The following WDR7 variants were observed in gnomAD, a reference collection of about 807,000 sequenced individuals.
WDR7 encodes WD repeat domain 7, also known as WD repeat-containing protein 7.
Under a neutral mutation model 169.4 loss-of-function variants are expected in WDR7, and 46 were observed. The ratio of observed to expected loss-of-function variants is 0.27; its 90% CI spans 0.21 to 0.35. The LOEUF (loss-of-function observed/expected upper bound fraction) is 0.35, where lower values mean the gene tolerates loss of function less well. WDR7 is among the 10% of genes least tolerant of loss of function. The pLI is 1.00. For synonymous variants in WDR7, 612 were observed against 666.8 expected (o/e 0.92, Z 1.27); for missense variants, 1,534 against 1,859.3 (o/e 0.83, Z 3.22).
chr18:56,750,935 A>G (rs2043781213), intron 14 of WDR7, among the ~76,000 whole-genome samples: 1 of 152,188 alleles, frequency 6.6e-6, no homozygotes, highest in Non-Finnish European at 1.5e-5. Flanking sequence ...AGGTATTACA[A>G]GTTATGCAGG....
Position 56,940,105 on chromosome 18 carries a change from G to A in WDR7, c.4064+712G>A, listed in dbSNP as rs527394483. Among the ~76,000 whole-genome samples the A allele has an allele frequency of 8.6e-5, 13 of 152,038 alleles. No individual in the cohort carries two copies. The South Asian group carries it at 1.0e-3, about 12-fold the overall frequency. On this transcript the variant is annotated intron_variant, in intron 25 of 27. Coordinates refer to ENST00000254442, the MANE Select transcript of WDR7 (RefSeq NM_015285.3). ...GTTAAAAAAGGTTTAATCTCCATGC[G>A]GTCGTTAGAAATAGTATTTAAATCT... is the stretch of plus-strand genomic sequence containing the variant.
At chr18:56,812,367 C>G (rs2044884662) in intron 19 of WDR7, among the ~76,000 whole-genome samples, 1 of 152,122 alleles carries the variant, frequency 6.6e-6, no homozygotes, top group Non-Finnish European at 1.5e-5. Flanking sequence ...TCGATAATTC[C>G]TCTGTATTTC....
chr18:56,854,608 C>A (rs1014014963), intron 20 of WDR7, among the ~76,000 whole-genome samples: 1 of 152,178 alleles, frequency 6.6e-6, no homozygotes, highest in African/African-American at 2.4e-5. Flanking sequence ...TGCTAATGGA[C>A]TTTGTGGAGG....
chr18:56,728,932 A>G (rs151202451), intron 13 of WDR7, among the ~76,000 whole-genome samples: 117 of 152,048 alleles, frequency 7.7e-4, no homozygotes, highest in African/African-American at 1.8e-3. Flanking sequence ...GCTTTTCACC[A>G]CCATGCCCCT....
rs2044318732 is a variant in WDR7, at chr18:56,781,591, G to T, written c.3125G>T (p.Gly1042Val). ...LAELRRIEQA[G>V]RKEAIDAWAP... is the part of the protein sequence containing the mutation. ...GAACTGAGAAGAATTGAGCAGGCAG[G>T]CAGGAAGGAAGCCATTGATGCCTGG... Residue 1042 changes from glycine (G) to valine (V), a missense_variant, in exon 19 of 28, where the codon GGC becomes GTC. Gly to Val is a moderately radical substitution (Grantham distance 109, BLOSUM62 -3). Transcript: ENST00000254442. 1 of 1,612,768 alleles carries T rather than the reference G, an allele frequency of 6.2e-7. No homozygotes were observed.
At chr18:56,836,168 T>C (rs977979933) in intron 20 of WDR7, among the ~76,000 whole-genome samples, 2 of 152,232 alleles carry the variant, frequency 1.3e-5, no homozygotes, top group Admixed American at 6.5e-5. Context: ...TATTTTCTTA[T>C]TCTCTTCCAA....
intron 26 of WDR7, among the ~76,000 whole-genome samples, chr18:56,995,066 A>G (rs2047878885): frequency 6.6e-6 from 1 of 152,214 alleles, no homozygotes; most frequent in East Asian, 1.9e-4. Flanking sequence ...TGAGAGAAAA[A>G]AAACTTCCTT....
intron 19 of WDR7, among the ~76,000 whole-genome samples, chr18:56,782,324 T>C (rs2044329328): frequency 1.3e-5 from 2 of 152,166 alleles, no homozygotes; most frequent in African/African-American, 2.4e-5. Context: ...TTTGTATTTT[T>C]GTTTGGTTTG....
intron 21 of WDR7, among the ~76,000 whole-genome samples, chr18:56,914,006 C>T (rs2046588865): frequency 6.6e-6 from 1 of 152,250 alleles, no homozygotes; most frequent in African/African-American, 2.4e-5. Flanking sequence ...TCCACATAAC[C>T]TTCCACAAGT....
rs529349283 is a variant in WDR7 at position 56,931,462 on chromosome 18, T to C, written c.3714-4326T>C. Among the ~76,000 whole-genome samples, 4 of 152,338 alleles carry C rather than the reference T, an allele frequency of 2.6e-5. No homozygotes were observed. In the East Asian group the frequency reaches 5.8e-4, roughly 22 times the overall value. On this transcript the variant is annotated intron_variant, in intron 22 of 27. Transcript: ENST00000254442. ...GGTCAATTCAGTCCAATAGCTAGCT[T>C]AAATGATTTTTTTTTCTGCCTGCTG... is the stretch of plus-strand genomic sequence containing the variant.
At chr18:56,820,580 ATTCCTGTGTATT>A (rs561391667) in intron 20 of WDR7, among the ~76,000 whole-genome samples, 3 of 152,040 alleles carry the variant, frequency 2.0e-5, no homozygotes, top group Admixed American at 6.6e-5. Context: ...GTATTTTGCT[ATTCCTGTGTATT>A]TAGTGCTGAC....
At chr18:56,728,480 G>T (rs770901525) in intron 13 of WDR7, among the ~76,000 whole-genome samples, 2 of 151,936 alleles carry the variant, frequency 1.3e-5, no homozygotes, top group African/African-American at 2.4e-5. Context: ...CTGCCTCCTC[G>T]TGTGGATGTG....
chr18:56,915,361 G>A (rs2046610574), intron 21 of WDR7, among the ~76,000 whole-genome samples: 2 of 152,210 alleles, frequency 1.3e-5, no homozygotes, highest in South Asian at 2.1e-4. Context: ...TTTGAAATAA[G>A]TGGCCAATCA....
chr18:56,897,192 T>C (rs1394270627), intron 21 of WDR7, among the ~76,000 whole-genome samples: 2 of 151,964 alleles, frequency 1.3e-5, no homozygotes, highest in Admixed American at 6.6e-5. Context: ...AGAACTCTTT[T>C]ATACTTATTA....
At chr18:56,696,508 G>A in intron 12 of WDR7, 46 bp downstream of exon 12, 1 of 1,457,020 alleles carries the variant, frequency 6.9e-7, no homozygotes. Flanking sequence ...GTAGAGCCAA[G>A]TTATATTACT....
At chr18:56,882,018 C>T (rs527428650) in intron 21 of WDR7, among the ~76,000 whole-genome samples, 2 of 152,342 alleles carry the variant, frequency 1.3e-5, no homozygotes, top group African/African-American at 4.8e-5. Context: ...AAGTGTCTTG[C>T]GACCTGAGAA....
chr18:56,827,578 G>A (rs2045230653), intron 20 of WDR7, among the ~76,000 whole-genome samples: 1 of 152,064 alleles, frequency 6.6e-6, no homozygotes, highest in Non-Finnish European at 1.5e-5. Flanking sequence ...GTGGGGGTTG[G>A]GGGAGGGGTG....
intron 1 of WDR7, among the ~76,000 whole-genome samples, chr18:56,660,630 A>T (rs533437819): frequency 6.7e-6 from 1 of 150,080 alleles, no homozygotes; most frequent in Admixed American, 6.7e-5. Flanking sequence ...CTAAGGACTA[A>T]GTTGTGGGAA....
intron 14 of WDR7, among the ~76,000 whole-genome samples, chr18:56,750,391 A>G (rs1183570839): frequency 1.3e-5 from 2 of 152,184 alleles, no homozygotes; most frequent in Non-Finnish European, 2.9e-5. Context: ...GAATCTTACT[A>G]GCAAATTTGA....
Sources: gnomAD v4.1 joint callset for allele counts (sites outside exome capture counted in the v4.1 genomes callset) on GRCh38, gnomAD v4.1.1 for gene constraint, MANE v1.5 for transcripts, NCBI Gene and HGNC (gene_info 2026-07-23, HGNC 2026-07-21) for gene names.